NUP98: variants seen among roughly 807,000 people sequenced by gnomAD.
NUP98 encodes the protein nuclear pore complex protein Nup98-Nup96.
A neutral mutation model predicts 191.9 loss-of-function variants in NUP98; 26 were observed. That is an observed-to-expected ratio of 0.14 (90% CI 0.10 to 0.19). The LOEUF (loss-of-function observed/expected upper bound fraction) is 0.19, where lower values mean the gene tolerates loss of function less well. Ranked by LOEUF, NUP98 falls within the 10% of genes least tolerant of loss-of-function variation. NUP98 has a pLI of 1.00. For missense variants in NUP98, 1,941 were observed against 2,178.8 expected, an observed-to-expected ratio of 0.89 and a Z score of 2.17; for synonymous variants, 808 against 778.4, an observed-to-expected ratio of 1.04 and a Z score of -0.63.
chr11:3,693,381 C>T lies in NUP98; in HGVS notation c.4168-6G>A, dbSNP rs368455511. Reference sequence around the variant, plus strand: ...TTTTCTGAGAGCTGCCACACCTGTGCGAAACAAAATCATCACCATGGCTAT... The same window carrying T: ...TTTTCTGAGAGCTGCCACACCTGTGTGAAACAAAATCATCACCATGGCTAT... On this transcript the variant is annotated splice_polypyrimidine_tract_variant and splice_region_variant and intron_variant, in intron 26 of 32. Transcript: ENST00000324932. The T allele has an allele frequency of 7.6e-5, 122 of 1,613,482 alleles. No homozygotes were observed. Among genetic ancestry groups the T allele is most frequent in the Non-Finnish European group, 9.4e-5 (111 of 1,179,758 alleles).
chr11:3,771,621 C>G, intron 7 of NUP98, 127 bp downstream of exon 7: 1 of 766,288 alleles, frequency 1.3e-6, no homozygotes, highest in Non-Finnish European at 2.1e-6. Context: ...AGGCATTCCT[C>G]CCTATTCCTA....
At chr11:3,771,595 T>C (rs983428698) in intron 7 of NUP98, among the ~76,000 whole-genome samples, 153 bp downstream of exon 7, 5 of 152,184 alleles carry the variant, frequency 3.3e-5, no homozygotes, top group African/African-American at 1.2e-4. Context: ...CTTTCTCCCT[T>C]TCCCCACATA....
chr11:3,725,146 C>T lies in NUP98; in HGVS notation c.1804G>A (p.Glu602Lys). ...NLFSPVNRDS[E>K]NLASPSEYPE... ...TATTCAGATGGTGAAGCTAGATTTTCTGAATCACGATTAACAGGAGAAAAG... is the reference window on the plus strand; with the variant it reads ...TATTCAGATGGTGAAGCTAGATTTTTTGAATCACGATTAACAGGAGAAAAG... The change falls in exon 15 of 33, where the codon GAA (glutamate) becomes AAA (lysine). Residue 602 changes from glutamate (E) to lysine (K), a missense_variant. Physicochemically the swap from Glu to Lys is moderately conservative, Grantham distance 56 (BLOSUM62 1). Coordinates refer to ENST00000324932, the MANE Select transcript of NUP98 (RefSeq NM_016320.5). 1 of 1,601,362 alleles carries T rather than the reference C, an allele frequency of 6.2e-7. No individual in the cohort carries two copies.
In NUP98 at chr11:3,766,290, C is replaced by T. The variant is rs535095227; in HGVS notation, c.948+2291G>A. On this transcript the variant is annotated intron_variant, in intron 8 of 32. Coordinates refer to ENST00000324932, the MANE Select transcript of NUP98 (RefSeq NM_016320.5). The stretch of plus-strand genomic sequence containing the variant: ...CTTGGGAGGTGAGGTGAGAGGATCG[C>T]TTAGCCCAGGAGGCGGAGGACGCAG... 3.9e-5 allele frequency among the ~76,000 whole-genome samples: 6 copies of T among 151,990 alleles called. No individual in the cohort carries two copies. In the East Asian group the frequency reaches 1.2e-3, roughly 30 times the overall value.
At chr11:3,701,414 A>G (rs1319313780) in intron 23 of NUP98, among the ~76,000 whole-genome samples, 1 of 151,878 alleles carries the variant, frequency 6.6e-6, no homozygotes, top group Non-Finnish European at 1.5e-5. Flanking sequence ...AACATGCACC[A>G]CCACCCTGGG....
In NUP98 at chr11:3,675,347, G is replaced by A. The variant is rs1033352746; in HGVS notation, c.*812C>T. On this transcript the variant is annotated 3_prime_UTR_variant, in exon 33 of 33. Transcript: ENST00000324932. ...GTGGGAAATGCTTTGGAGCTAACAT[G>A]GGATGAACAGGGAGGGTTACCCAAC... is the stretch of plus-strand genomic sequence containing the variant. 3.2e-5 allele frequency: 7 copies of A among 221,128 alleles called. No individual in the cohort carries two copies. Among genetic ancestry groups the A allele is most frequent in the Non-Finnish European group, 5.4e-5 (6 of 110,286 alleles). The allele number at this position is 221,128 out of a possible 1,614,324, so 13.7% of individuals were successfully genotyped here.
chr11:3,744,613 T>C lies in NUP98; in HGVS notation c.1304A>G (p.Asn435Ser), dbSNP rs1344586665. Residue 435 changes from asparagine to serine, a missense_variant, in exon 12 of 33, where the codon AAC (asparagine) becomes AGC (serine). Coordinates refer to ENST00000324932, the MANE Select transcript of NUP98 (RefSeq NM_016320.5). ...AAGAGGCCCTCCAATCTTAGGTTGG[T>C]TGTTCCCAAACAAAGATGCCTGTCC... The part of the protein sequence containing the change: ...GAGQASLFGN[N>S]QPKIGGPLGT... The C allele has an allele frequency of 1.2e-6, 2 of 1,613,206 alleles. No individual in the cohort carries two copies. Among genetic ancestry groups the C allele is most frequent in the East Asian group, 2.2e-5 (1 of 44,858 alleles).
intron 2 of NUP98, 151 bp from the exon 3 acceptor site, chr11:3,779,408 G>A (rs562220023): frequency 1.9e-5 from 13 of 669,896 alleles, no homozygotes; most frequent in South Asian, 3.4e-5. Flanking sequence ...TTGGGAGGCC[G>A]AGGCGGGCGG....
chr11:3,717,504 TGCAAC>T (rs1329051949), intron 18 of NUP98, among the ~76,000 whole-genome samples: 2 of 152,242 alleles, frequency 1.3e-5, no homozygotes, highest in Admixed American at 6.5e-5. Context: ...TGTATAGCAG[TGCAAC>T]TGATTTTTCC....
chr11:3,699,268 C>T lies in NUP98; in HGVS notation c.3823G>A (p.Glu1275Lys). 6.2e-7 allele frequency: 1 copy of T among 1,614,198 alleles called. No individual in the cohort carries two copies. The highest frequency in any genetic ancestry group is 8.5e-7 in the Non-Finnish European group (1 of 1,180,042). The change falls in exon 25 of 33, where the codon GAA becomes AAA. Residue 1275 changes from glutamate (E) to lysine (K), a missense_variant. Glu to Lys is a moderately conservative substitution (Grantham distance 56). Transcript: ENST00000324932. ...HLKELDSQLN[E>K]PREYIQILER... ...AGAATTTGAATGTATTCACGGGGTT[C>T]ATTTAGCTGGCTGTCAAGCTCCTTC...
At chr11:3,780,493 G>T (rs1482262207) in intron 2 of NUP98, among the ~76,000 whole-genome samples, 2 of 131,518 alleles carry the variant, frequency 1.5e-5, no homozygotes, top group African/African-American at 2.9e-5. Context: ...CGTGAGCTGA[G>T]ATCGCACCAC....
intron 31 of NUP98, among the ~76,000 whole-genome samples, chr11:3,678,876 A>G (rs534972420): frequency 6.6e-6 from 1 of 152,168 alleles, no homozygotes; most frequent in Admixed American, 6.5e-5. Flanking sequence ...AATCCCAGCA[A>G]TTTGGGAGGC....
At chr11:3,750,311 G>C (rs1328691643) in intron 11 of NUP98, among the ~76,000 whole-genome samples, 3 of 151,788 alleles carry the variant, frequency 2.0e-5, no homozygotes, top group Non-Finnish European at 4.4e-5. Flanking sequence ...AGTACAGAGA[G>C]GGTCTCCCTA....
chr11:3,716,321 C>A (rs1209423207), intron 18 of NUP98, among the ~76,000 whole-genome samples: 1 of 151,756 alleles, frequency 6.6e-6, no homozygotes, highest in Non-Finnish European at 1.5e-5. Flanking sequence ...AAGAGACTGT[C>A]TTCTCCCGAT....
intron 15 of NUP98, among the ~76,000 whole-genome samples, chr11:3,724,045 G>A (rs1455800510): frequency 6.6e-6 from 1 of 151,428 alleles, no homozygotes; most frequent in African/African-American, 2.4e-5. Flanking sequence ...TACAGATAAT[G>A]GAAAGGCATT....
At chr11:3,768,458 TAAATACCCTCAACTCTTA>T in intron 8 of NUP98, 105 bp downstream of exon 8, 1 of 910,348 alleles carries the variant, frequency 1.1e-6, no homozygotes, top group Non-Finnish European at 1.5e-6. Context: ...TTCCCTTCAT[TAAATACCCTCAACTCTTA>T]AGATTTGCAG....
intron 1 of NUP98, among the ~76,000 whole-genome samples, chr11:3,784,506 T>A (rs914656555): frequency 6.6e-6 from 1 of 151,496 alleles, no homozygotes; most frequent in African/African-American, 2.4e-5. Context: ...TCCCAATGCT[T>A]TGGGAAGCTG....
chr11:3,706,379 C>T, intron 21 of NUP98, 66 bp downstream of exon 21: 2 of 1,443,364 alleles, frequency 1.4e-6, no homozygotes, highest in Non-Finnish European at 1.9e-6. Flanking sequence ...GAGACCTGAT[C>T]CTATGCAATG....
At position 3,797,466 on chromosome 11, in the gene NUP98, G is replaced by A. The variant is rs1019450683; in HGVS notation, c.-95C>T. On this transcript the variant is annotated 5_prime_UTR_variant, in exon 1 of 33. Coordinates refer to ENST00000324932, the MANE Select transcript of NUP98 (RefSeq NM_016320.5). ...TGCCACCCGCCGCTCACAGAGCAGC[G>A]CGCGGCCCCCACGAAACCGTCGCCG... 2 of 424,274 alleles carry A rather than the reference G, an allele frequency of 4.7e-6. No individual in the cohort carries two copies. Among genetic ancestry groups the A allele is most frequent in the Admixed American group, 4.4e-5 (1 of 22,808 alleles). 26.3% of individuals were successfully genotyped at this position (424,274 alleles called of 1,614,324 possible). A position where few individuals can be genotyped will look rare whatever the true frequency, so the allele number is the denominator to read the frequency against.
Sources: allele counts gnomAD v4.1 joint callset (sites outside exome capture counted in the v4.1 genomes callset), GRCh38; gene constraint gnomAD v4.1.1; transcripts MANE v1.5; gene names NCBI Gene and HGNC (gene_info 2026-07-23, HGNC 2026-07-21).